MAPRE2: variants seen among roughly 807,000 people sequenced by gnomAD.
MAPRE2 encodes microtubule-associated protein RP/EB family member 2.
Under a neutral mutation model 43.2 loss-of-function variants are expected in MAPRE2, and 13 were observed. That is an observed-to-expected ratio of 0.30 (90% CI 0.20 to 0.48). The LOEUF is 0.48. MAPRE2 is among the 20% of genes least tolerant of loss of function. The pLI is 0.99. For synonymous variants in MAPRE2, 135 were observed against 148.8 expected (o/e 0.91, Z 0.68); for missense variants, 161 against 400.2 (o/e 0.40, Z 5.10).
intron 1 of MAPRE2, among the ~76,000 whole-genome samples, chr18:35,064,787 C>G (rs1906751291): frequency 6.6e-6 from 1 of 152,112 alleles, no homozygotes; most frequent in African/African-American, 2.4e-5. Context: ...CTTGCTGTAC[C>G]TCTCCACCCA....
chr18:35,125,049 C>T (rs1029006993), intron 4 of MAPRE2, among the ~76,000 whole-genome samples: 1 of 152,168 alleles, frequency 6.6e-6, no homozygotes, highest in Non-Finnish European at 1.5e-5. Flanking sequence ...AAGTCTTTCC[C>T]AATTTAACCA....
At chr18:35,056,892 T>C (rs1163798627) in intron 1 of MAPRE2, among the ~76,000 whole-genome samples, 1 of 152,236 alleles carries the variant, frequency 6.6e-6, no homozygotes, top group Non-Finnish European at 1.5e-5. Flanking sequence ...TTTGCTCCTG[T>C]AAGTCCTCAT....
At chr18:35,106,307 T>C (rs1275763353) in intron 4 of MAPRE2, among the ~76,000 whole-genome samples, 1 of 151,838 alleles carries the variant, frequency 6.6e-6, no homozygotes, top group Admixed American at 6.6e-5. Context: ...ATTTTTTTAG[T>C]GGATTTATCT....
intron 4 of MAPRE2, among the ~76,000 whole-genome samples, chr18:35,119,780 A>G (rs1345135486): frequency 5.3e-5 from 8 of 152,222 alleles, no homozygotes. Flanking sequence ...CACTGTGTAA[A>G]AACTGGGTTA....
At chr18:35,134,532 G>A (rs1298070418) in intron 6 of MAPRE2, among the ~76,000 whole-genome samples, 1 of 152,178 alleles carries the variant, frequency 6.6e-6, no homozygotes, top group Non-Finnish European at 1.5e-5. Context: ...CTAACTCAGA[G>A]GCTAAAATCA....
At chr18:35,117,781 G>T (rs1242394412) in intron 4 of MAPRE2, among the ~76,000 whole-genome samples, 1 of 152,156 alleles carries the variant, frequency 6.6e-6, no homozygotes, top group Non-Finnish European at 1.5e-5. Context: ...GTGATTGGAT[G>T]TGATACTTAA....
intron 1 of MAPRE2, among the ~76,000 whole-genome samples, chr18:35,045,683 C>A (rs904253228): frequency 1.3e-5 from 2 of 152,136 alleles, no homozygotes; most frequent in African/African-American, 4.8e-5. Flanking sequence ...TGTAACATGG[C>A]TCACTTTTAT....
chr18:35,082,991 A>G (rs962879215), intron 2 of MAPRE2, among the ~76,000 whole-genome samples: 3 of 152,222 alleles, frequency 2.0e-5, no homozygotes, highest in Non-Finnish European at 4.4e-5. Context: ...CTAAGGTCAT[A>G]TTCCTCAATA....
chr18:35,101,932 A>G lies in MAPRE2; in HGVS notation c.397-14A>G, dbSNP rs575506249. 16 of 1,578,808 alleles carry G rather than the reference A, an allele frequency of 1.0e-5. No individual in the cohort carries two copies. The highest frequency in any genetic ancestry group is 7.2e-5 in the Admixed American group (4 of 55,368). ...CGTGAGGTTTGTAACTCACATAGTG[A>G]TTTTTTATTGCAGGTAATTCCAGTG... On this transcript the variant is annotated splice_polypyrimidine_tract_variant and intron_variant, in intron 3 of 6. Coordinates refer to ENST00000300249, the MANE Select transcript of MAPRE2 (RefSeq NM_014268.4).
At chr18:35,114,139 A>G (rs578234690) in intron 4 of MAPRE2, among the ~76,000 whole-genome samples, 3 of 152,310 alleles carry the variant, frequency 2.0e-5, no homozygotes, top group Admixed American at 2.0e-4. Context: ...TCCAGAATCC[A>G]TGCTCTTTCA....
chr18:35,026,964 A>C (rs1160520773), intron 2 of MAPRE2, among the ~76,000 whole-genome samples: 1 of 152,230 alleles, frequency 6.6e-6, no homozygotes, highest in Non-Finnish European at 1.5e-5. Context: ...TTGATACTTG[A>C]AAATGAGACT....
At chr18:35,077,938 T>C (rs1308991599) in intron 2 of MAPRE2, among the ~76,000 whole-genome samples, 1 of 152,236 alleles carries the variant, frequency 6.6e-6, no homozygotes, top group Non-Finnish European at 1.5e-5. Context: ...TAAAAACATG[T>C]CAATCACTTT....
At chr18:35,124,333 A>G (rs1462888581) in intron 4 of MAPRE2, among the ~76,000 whole-genome samples, 1 of 152,184 alleles carries the variant, frequency 6.6e-6, no homozygotes, top group African/African-American at 2.4e-5. Context: ...ACATGGAGGT[A>G]ACCGCCCCCC....
chr18:34,983,289 C>G (rs1444276796), intron 1 of MAPRE2, among the ~76,000 whole-genome samples: 2 of 152,116 alleles, frequency 1.3e-5, no homozygotes, highest in Non-Finnish European at 2.9e-5. Context: ...CAGTATATTT[C>G]TAAATATATG....
In MAPRE2 at chr18:35,140,633, T is replaced by G. The variant is rs1012781861; in HGVS notation, c.*264T>G. On this transcript the variant is annotated 3_prime_UTR_variant, in exon 7 of 7. Coordinates refer to ENST00000300249, the MANE Select transcript of MAPRE2 (RefSeq NM_014268.4). Reference sequence around the variant, plus strand: ...TCACCACTTGGCTGCTTGAGATTGGTTCTGCTCTTTTCTTCATTTCTTTCC... The same window carrying G: ...TCACCACTTGGCTGCTTGAGATTGGGTCTGCTCTTTTCTTCATTTCTTTCC... 2.3e-6 allele frequency: 1 copy of G among 435,090 alleles called. No individual in the cohort carries two copies. Among genetic ancestry groups the G allele is most frequent in the Admixed American group, 3.7e-5 (1 of 27,094 alleles). 27.0% of individuals were successfully genotyped at this position (435,090 alleles called of 1,614,324 possible).
At chr18:35,042,958 G>A (rs974954478) in intron 1 of MAPRE2, among the ~76,000 whole-genome samples, 3 of 151,920 alleles carry the variant, frequency 2.0e-5, no homozygotes, top group Admixed American at 6.6e-5. Flanking sequence ...CCTTTGCCCT[G>A]TCATCTCTGG....
chr18:34,991,752 T>A (rs1413217642), intron 1 of MAPRE2, among the ~76,000 whole-genome samples: 1 of 152,172 alleles, frequency 6.6e-6, no homozygotes, highest in Non-Finnish European at 1.5e-5. Context: ...GGGTGGGGTT[T>A]GTTAGGAGTC....
At chr18:35,057,507 C>CGTGTGT (rs58171272) in intron 1 of MAPRE2, among the ~76,000 whole-genome samples, 13,662 of 149,442 alleles carry the variant, frequency 0.091, 870 homozygotes, top group African/African-American at 0.17. Flanking sequence ...GGAGTGTGTG[C>CGTGTGT]GTGTGTGTGT....
chr18:35,111,675 G>C (rs912053549), intron 4 of MAPRE2, among the ~76,000 whole-genome samples: 1 of 152,196 alleles, frequency 6.6e-6, no homozygotes, highest in Admixed American at 6.5e-5. Flanking sequence ...CCTCAGGCCT[G>C]TCTGTGCCTT....
Sources: gnomAD v4.1 joint callset for allele counts (sites outside exome capture counted in the v4.1 genomes callset) on GRCh38, gnomAD v4.1.1 for gene constraint, MANE v1.5 for transcripts, NCBI Gene and HGNC (gene_info 2026-07-23, HGNC 2026-07-21) for gene names.